DUOX1: variants seen among roughly 807,000 people sequenced by gnomAD.
DUOX1 encodes NADPH thyroid oxidase 1.
DUOX1 carries 134 observed loss-of-function variants against 181.8 expected under a neutral mutation model. The ratio of observed to expected loss-of-function variants is 0.74; its 90% CI spans 0.64 to 0.85. DUOX1 has a LOEUF of 0.85. Ranked by LOEUF, DUOX1 falls within the 40% of genes least tolerant of loss-of-function variation. The pLI, the probability that DUOX1 is intolerant of heterozygous loss-of-function variation, is 0.00. For synonymous variants in DUOX1, 798 were observed against 832.5 expected (o/e 0.96, Z 0.71); for missense variants, 1,814 against 2,064.4 (o/e 0.88, Z 2.35).
chr15:45,148,220 C>T (rs1896705913), intron 20 of DUOX1, 52 bp from the exon 21 acceptor site: 5 of 1,610,920 alleles, frequency 3.1e-6, no homozygotes, highest in Non-Finnish European at 4.2e-6. Flanking sequence ...TGTCCTGTGT[C>T]TGGGTCGCAG....
chr15:45,140,831 C>T, intron 12 of DUOX1, 64 bp from the exon 13 acceptor site: 1 of 1,541,660 alleles, frequency 6.5e-7, no homozygotes. Flanking sequence ...CCCTGGGAGC[C>T]ACCTCTTTGC....
chr15:45,159,131 G>A (rs1897035843), intron 28 of DUOX1, among the ~76,000 whole-genome samples: 1 of 152,228 alleles, frequency 6.6e-6, no homozygotes, highest in Non-Finnish European at 1.5e-5. Context: ...GGAGGCAGAG[G>A]GGACAGGGCT....
intron 32 of DUOX1, 30 bp downstream of exon 32, chr15:45,163,717 G>A (rs1390109245): frequency 8.1e-6 from 13 of 1,613,728 alleles, no homozygotes; most frequent in African/African-American, 2.7e-5. Flanking sequence ...GAGGGTATGC[G>A]GGCCACTGTC....
At chr15:45,141,947 A>T (rs1896505627) in intron 14 of DUOX1, 28 bp from the exon 15 acceptor site, 1 of 1,595,798 alleles carries the variant, frequency 6.3e-7, no homozygotes, top group African/African-American at 1.3e-5. Flanking sequence ...CCCAGCACCC[A>T]GGACGCTGGC....
intron 18 of DUOX1, 79 bp downstream of exon 18, chr15:45,145,159 G>A: frequency 7.5e-7 from 1 of 1,325,568 alleles, no homozygotes; most frequent in Non-Finnish European, 1.0e-6. Context: ...GACTCGAGGG[G>A]AAGTCAAAGC....
At chr15:45,142,793 G>GAAGGAAGGAAGGAAGGA (rs1896540354) in intron 15 of DUOX1, among the ~76,000 whole-genome samples, 2 of 143,844 alleles carry the variant, frequency 1.4e-5, no homozygotes, top group Non-Finnish European at 3.0e-5. Flanking sequence ...GGAAGGGAGG[G>GAAGGAAGGAAGGAAGGA]AGGAAGGGAG....
At chr15:45,163,725 G>A in intron 32 of DUOX1, 38 bp downstream of exon 32, 2 of 1,613,840 alleles carry the variant, frequency 1.2e-6, no homozygotes, top group Non-Finnish European at 1.7e-6. Flanking sequence ...GCGGGCCACT[G>A]TCTGAGCTAG....
chr15:45,134,340 C>T (rs200175751), intron 4 of DUOX1, 31 bp downstream of exon 4: 77 of 1,562,452 alleles, frequency 4.9e-5, no homozygotes, highest in Admixed American at 3.0e-4. Flanking sequence ...GGAAGGAAGC[C>T]GGTGGGGTCG....
intron 10 of DUOX1, 36 bp downstream of exon 10, chr15:45,138,050 G>C: frequency 6.7e-7 from 1 of 1,501,474 alleles, no homozygotes; most frequent in Non-Finnish European, 9.2e-7. Flanking sequence ...GTGGATGTGT[G>C]TGTGTGCATG....
intron 22 of DUOX1, 120 bp from the exon 23 acceptor site, chr15:45,151,003 G>C: frequency 1.4e-6 from 2 of 1,411,408 alleles, no homozygotes; most frequent in Non-Finnish European, 2.0e-6. Flanking sequence ...GAATCCTGCT[G>C]TCCCCTTGCT....
At chr15:45,162,506 C>A (rs1238489336) in intron 31 of DUOX1, 129 bp downstream of exon 31, 6 of 1,283,546 alleles carry the variant, frequency 4.7e-6, no homozygotes, top group Middle Eastern at 1.9e-4. Context: ...TGGTTTGAAA[C>A]CTGGGGTTGG....
Position 45,143,450 on chromosome 15 carries a change from A to G in DUOX1, c.1936+147A>G, listed in dbSNP as rs530942137. 9.3e-6 allele frequency: 6 copies of G among 644,496 alleles called. No homozygotes were observed. In the East Asian group the frequency reaches 1.1e-4, roughly 12 times the overall value. 39.9% of individuals were successfully genotyped at this position (644,496 alleles called of 1,614,324 possible). A position where few individuals can be genotyped will look rare whatever the true frequency, so the allele number is the denominator to read the frequency against. On this transcript the variant is annotated intron_variant, in intron 16 of 33. Coordinates refer to ENST00000389037, the MANE Select transcript of DUOX1 (RefSeq NM_175940.3). ...CAGTGGCATTAAGCAGAAGTTGGAC[A>G]TGGAGTCCTGCAGCCTCCAGAGTTT...
At chr15:45,132,413 A>T (rs1374549685) in intron 2 of DUOX1, among the ~76,000 whole-genome samples, 2 of 152,242 alleles carry the variant, frequency 1.3e-5, no homozygotes, top group East Asian at 3.8e-4. Context: ...CCAAAGCTGA[A>T]GGGGAGTCAT....
chr15:45,152,180 CG>C, intron 24 of DUOX1, 105 bp from the exon 25 acceptor site: 1 of 1,460,458 alleles, frequency 6.8e-7, no homozygotes, highest in Admixed American at 2.0e-5. Flanking sequence ...GAAGACTGTG[CG>C]GGGGAGGCCT....
chr15:45,141,274 C>A lies in DUOX1; in HGVS notation c.1566-18C>A, dbSNP rs1896483696. 3 of 1,613,660 alleles carry A rather than the reference C, an allele frequency of 1.9e-6. No individual in the cohort carries two copies. In the South Asian group the frequency reaches 3.3e-5, roughly 18 times the overall value. On this transcript the variant is annotated intron_variant, in intron 13 of 33. Transcript: ENST00000389037. ...CATCCCCTTCCCATCCCAGTGACTT[C>A]TACTTACTCCAACTTAGGCTGTTCT...
intron 33 of DUOX1, 133 bp from the exon 34 acceptor site, chr15:45,164,643 TAAA>T (rs1290163820): frequency 3.1e-6 from 3 of 956,284 alleles, no homozygotes; most frequent in South Asian, 1.6e-5. Flanking sequence ...TAATTAAAAA[TAAA>T]AAAATTAGAG....
In DUOX1 at chr15:45,164,929, C is replaced by T. The variant is rs7169193; in HGVS notation, c.*28C>T. On this transcript the variant is annotated 3_prime_UTR_variant, in exon 34 of 34. Transcript: ENST00000389037. ...CCCTGCCCGGGGGTTCTGCCCACTG[C>T]CCAGTTGAGCAGAGGTTTGAGCCCA... 792,003 of 1,607,690 alleles carry T rather than the reference C, an allele frequency of 0.49. 208,507 individuals are homozygous for T. Among genetic ancestry groups the T allele is most frequent in the East Asian group, 0.95 (42,594 of 44,834 alleles).
At position 45,164,792 on chromosome 15, in the gene DUOX1, G is replaced by A. The variant is rs140588068; in HGVS notation, c.4547G>A (p.Gly1516Glu). 25 of 1,614,054 alleles carry A rather than the reference G, an allele frequency of 1.5e-5. No individual in the cohort carries two copies. The highest frequency in any genetic ancestry group is 1.8e-5 in the Non-Finnish European group (21 of 1,180,034). The change falls in exon 34 of 34, where the codon GGG (glycine) becomes GAG (glutamate). Residue 1516 changes from glycine to glutamate, a missense_variant. Around this residue, in one of 5 missense-constraint regions of DUOX1, gnomAD observed 124 missense variants for 125.7 expected, o/e 0.99. Transcript: ENST00000389037. ...QEVHPQVRKI[G>E]VFSCGPPGMT... ...CTCCTGCAACAGGTCCGGAAGATCGGGGTGTTTAGCTGTGGCCCCCCTGGC... is the reference window on the plus strand; with the variant it reads ...CTCCTGCAACAGGTCCGGAAGATCGAGGTGTTTAGCTGTGGCCCCCCTGGC...
chr15:45,162,113 C>A, intron 30 of DUOX1, 106 bp from the exon 31 acceptor site: 1 of 1,487,706 alleles, frequency 6.7e-7, no homozygotes. Context: ...AAATCCTCCT[C>A]TTCCCCTCAC....
Sources: gnomAD v4.1 joint callset for allele counts (sites outside exome capture counted in the v4.1 genomes callset) on GRCh38, gnomAD v4.1.1 for gene constraint, gnomAD v4.1.1 regional missense constraint, MANE v1.5 for transcripts, NCBI Gene and HGNC (gene_info 2026-07-23, HGNC 2026-07-21) for gene names.